Variants in SPAG6 observed in about 807,000 individuals in gnomAD.
SPAG6 encodes sperm associated antigen 6.
In SPAG6, 49 loss-of-function variants were observed where a neutral mutation model predicts 58.5. The ratio of observed to expected loss-of-function variants is 0.84; its 90% CI spans 0.67 to 1.06. The LOEUF is 1.06. Among genes scored for constraint, SPAG6 ranks in the 50% least tolerant of loss-of-function variants. SPAG6 has a pLI of 0.00. For missense variants in SPAG6, 560 were observed against 611.3 expected, an observed-to-expected ratio of 0.92 and a Z score of 0.89; for synonymous variants, 233 against 225.6, an observed-to-expected ratio of 1.03 and a Z score of -0.29.
At chr10:22,376,846 A>G (rs1833826794) in intron 4 of SPAG6, among the ~76,000 whole-genome samples, 1 of 152,070 alleles carries the variant, frequency 6.6e-6, no homozygotes, top group Admixed American at 6.6e-5. Context: ...GCACTTTGGG[A>G]GGCCAAGGTG....
chr10:22,402,187 C>A (rs1834429779), intron 9 of SPAG6, among the ~76,000 whole-genome samples: 1 of 151,948 alleles, frequency 6.6e-6, no homozygotes, highest in Non-Finnish European at 1.5e-5. Flanking sequence ...TTAGCTCAAT[C>A]CCAGGCACAT....
chr10:22,414,387 G>C (rs1834820258), intron 10 of SPAG6, among the ~76,000 whole-genome samples: 1 of 152,162 alleles, frequency 6.6e-6, no homozygotes, highest in African/African-American at 2.4e-5. Context: ...CTTTCCGAAG[G>C]AGTACGCTAA....
At chr10:22,356,782 C>T (rs150177208) in intron 2 of SPAG6, among the ~76,000 whole-genome samples, 1 of 152,288 alleles carries the variant, frequency 6.6e-6, no homozygotes, top group East Asian at 1.9e-4. Flanking sequence ...ATATCTGGCT[C>T]GGTAACTATG....
At chr10:22,353,267 T>C (rs1202514960) in intron 2 of SPAG6, among the ~76,000 whole-genome samples, 3 of 152,254 alleles carry the variant, frequency 2.0e-5, no homozygotes, top group Non-Finnish European at 4.4e-5. Flanking sequence ...CATTCCTGAT[T>C]GCAGTCTTCT....
At chr10:22,349,199 A>G (rs898325637) in intron 2 of SPAG6, among the ~76,000 whole-genome samples, 30 of 151,960 alleles carry the variant, frequency 2.0e-4, no homozygotes, top group African/African-American at 7.3e-4. Context: ...CGGTGTACAA[A>G]GCATCTATAA....
At chr10:22,406,444 G>A (rs1163694382) in intron 9 of SPAG6, among the ~76,000 whole-genome samples, 23 of 152,100 alleles carry the variant, frequency 1.5e-4, no homozygotes, top group African/African-American at 4.3e-4. Flanking sequence ...GTAGTTGAGC[G>A]GTTTTGAGTA....
intron 2 of SPAG6, among the ~76,000 whole-genome samples, chr10:22,359,729 G>T (rs1836980587): frequency 6.6e-6 from 1 of 152,130 alleles, no homozygotes; most frequent in Non-Finnish European, 1.5e-5. Context: ...TTAAAAGCAG[G>T]TTAGAGGTAA....
chr10:22,361,210 C>T (rs867514016), intron 2 of SPAG6: 10 of 193,286 alleles, frequency 5.2e-5, no homozygotes, highest in Middle Eastern at 2.0e-3. Context: ...GAAATTTTTT[C>T]AAAATTCTCT....
At chr10:22,374,148 A>G (rs886602305) in intron 4 of SPAG6, among the ~76,000 whole-genome samples, 1 of 152,190 alleles carries the variant, frequency 6.6e-6, no homozygotes, top group African/African-American at 2.4e-5. Flanking sequence ...ACAGAATGTA[A>G]TATATAAGCT....
rs557594625 is a variant in SPAG6 at position 22,351,988 on chromosome 10, G to T, written c.121+6170G>T. On this transcript the variant is annotated intron_variant, in intron 2 of 10. Transcript: ENST00000376624. ...GAGATTGAGACCACGGTGAAACCCCGTCTCTACTAAAAATACAAAAAATTA... is the reference window on the plus strand; with the variant it reads ...GAGATTGAGACCACGGTGAAACCCCTTCTCTACTAAAAATACAAAAAATTA... Among the ~76,000 whole-genome samples, 50 of 152,076 alleles carry T rather than the reference G, an allele frequency of 3.3e-4. No homozygotes were observed. In the South Asian group the frequency reaches 5.0e-3, roughly 15 times the overall value.
intron 2 of SPAG6, among the ~76,000 whole-genome samples, chr10:22,346,552 CT>C (rs924235507): frequency 1.8e-4 from 25 of 137,294 alleles, no homozygotes; most frequent in Admixed American, 8.9e-4. Flanking sequence ...CTTTCTTCTT[CT>C]TTTTTTTTGG....
chr10:22,411,413 C>T (rs569726369), intron 10 of SPAG6: 1 of 378,786 alleles, frequency 2.6e-6, no homozygotes, highest in African/African-American at 2.1e-5. Flanking sequence ...ACTAATTTAA[C>T]ATGTGCTTTA....
At chr10:22,368,841 T>G (rs1337642285) in intron 4 of SPAG6, among the ~76,000 whole-genome samples, 163 bp downstream of exon 4, 1 of 150,632 alleles carries the variant, frequency 6.6e-6, no homozygotes, top group Admixed American at 6.6e-5. Flanking sequence ...GTTTGGATCA[T>G]ATATTCACAA....
chr10:22,387,942 C>T lies in SPAG6; in HGVS notation c.798C>T (p.Tyr266=), dbSNP rs772672440. The T allele has an allele frequency of 1.1e-5, 18 of 1,611,314 alleles. No homozygotes were observed. Among genetic ancestry groups the T allele is most frequent in the East Asian group, 1.1e-4 (5 of 44,830 alleles). ...VLTCLKDKDE[Y]VKKNASTLIR... ...CCTGTCTGAAGGACAAGGATGAATA[C>T]GTGAAGAAAAATGCTTCTACTTTAA... is the stretch of plus-strand genomic sequence containing the variant. Residue 266 remains tyrosine (Y), a synonymous_variant, in exon 6 of 11, where the codon TAC becomes TAT. Coordinates refer to ENST00000376624, the MANE Select transcript of SPAG6 (RefSeq NM_012443.4).
chr10:22,348,136 G>A (rs1277727913), intron 2 of SPAG6, among the ~76,000 whole-genome samples: 2 of 152,094 alleles, frequency 1.3e-5, no homozygotes, highest in Non-Finnish European at 2.9e-5. Context: ...GACTACAGGT[G>A]TGCGCCACCA....
intron 8 of SPAG6, 81 bp downstream of exon 8, chr10:22,392,001 G>T: frequency 1.1e-6 from 1 of 919,700 alleles, no homozygotes; most frequent in South Asian, 1.6e-5. Flanking sequence ...TTTCATCATG[G>T]ACAATATTGT....
chr10:22,409,713 C>G (rs1338073734), intron 9 of SPAG6, among the ~76,000 whole-genome samples: 1 of 152,190 alleles, frequency 6.6e-6, no homozygotes, highest in African/African-American at 2.4e-5. Flanking sequence ...GTAGCAGTGA[C>G]TAAGGAAGAG....
intron 9 of SPAG6, among the ~76,000 whole-genome samples, chr10:22,403,966 A>T (rs1834482227): frequency 6.6e-6 from 1 of 150,530 alleles, no homozygotes; most frequent in Non-Finnish European, 1.5e-5. Context: ...TCCTTCGCCC[A>T]CTTTTTGATG....
chr10:22,397,856 A>G (rs1490506568), intron 8 of SPAG6, among the ~76,000 whole-genome samples: 4 of 152,098 alleles, frequency 2.6e-5, no homozygotes, highest in Non-Finnish European at 2.9e-5. Flanking sequence ...TATATTTAAC[A>G]TAATCTCTAT....
Sources: gnomAD v4.1 joint callset for allele counts (sites outside exome capture counted in the v4.1 genomes callset) on GRCh38, gnomAD v4.1.1 for gene constraint, MANE v1.5 for transcripts, NCBI Gene and HGNC (gene_info 2026-07-23, HGNC 2026-07-21) for gene names.